The following DCAKD variants were observed in gnomAD, a reference collection of about 807,000 sequenced individuals.
DCAKD encodes the protein dephospho-CoA kinase domain-containing protein.
Under a neutral mutation model 18.7 loss-of-function variants are expected in DCAKD, and 15 were observed. That is an observed-to-expected ratio of 0.80 (90% CI 0.54 to 1.24). DCAKD has a LOEUF of 1.24. DCAKD is among the 50% of genes most tolerant of loss of function. The pLI is 0.00. For missense variants in DCAKD, 301 were observed against 322.0 expected (o/e 0.93, Z 0.50); for synonymous variants, 130 against 133.0 (o/e 0.98, Z 0.16).
intron 1 of DCAKD, among the ~76,000 whole-genome samples, chr17:45,045,938 G>T (rs1880871898): frequency 6.6e-6 from 1 of 151,818 alleles, no homozygotes; most frequent in African/African-American, 2.4e-5. Context: ...CGATTCTCCT[G>T]CCTCAGCCTC....
upstream of DCAKD, among the ~76,000 whole-genome samples, chr17:45,052,384 T>A (rs2053725792): frequency 6.8e-6 from 1 of 146,694 alleles, no homozygotes; most frequent in Non-Finnish European, 1.5e-5. Flanking sequence ...GTCCGCAGGG[T>A]GGATACTATC....
At position 45,024,563 on chromosome 17, in the gene DCAKD, A is replaced by C. The variant is rs2053014329; in HGVS notation, c.566T>G (p.Val189Gly). 1 of 1,613,936 alleles carries C rather than the reference A, an allele frequency of 6.2e-7. No homozygotes were observed. The highest frequency in any genetic ancestry group is 1.1e-5 in the South Asian group (1 of 91,074). Residue 189 changes from valine to glycine, a missense_variant, in exon 5 of 5, where the codon GTC (valine) becomes GGC (glycine). By Grantham distance (109) the Val-to-Gly change is moderately radical. Transcript: ENST00000651974. ...SGEWSVTKRQ[V>G]ILLHTELERS... ...CTCCAGCTCAGTGTGCAAGAGGATG[A>C]CCTGGCGTTTGGTGACACTCCACTC...
At chr17:45,029,431 C>T (rs1014732072) in intron 4 of DCAKD, among the ~76,000 whole-genome samples, 2 of 152,194 alleles carry the variant, frequency 1.3e-5, no homozygotes, top group African/African-American at 2.4e-5. Context: ...GGGTGGCATC[C>T]GGGAAGCTTC....
intron 3 of DCAKD, chr17:45,031,297 C>T: frequency 1.0e-6 from 1 of 985,254 alleles, no homozygotes. Context: ...CTCAGGAAGC[C>T]CAAGAGAAGC....
intron 1 of DCAKD, among the ~76,000 whole-genome samples, chr17:45,043,610 C>T (rs1379171080): frequency 3.3e-5 from 5 of 152,288 alleles, no homozygotes; most frequent in East Asian, 1.9e-4. Context: ...AGCCTGGAGA[C>T]GGGAGGCGGC....
chr17:45,030,343 G>C (rs2053150242), intron 3 of DCAKD, among the ~76,000 whole-genome samples, 164 bp from the exon 4 acceptor site: 1 of 152,238 alleles, frequency 6.6e-6, no homozygotes, highest in Non-Finnish European at 1.5e-5. Context: ...CAGAACAGAA[G>C]GCTGCAGAAA....
At chr17:45,049,725 T>TTTTG (rs1341987635) in intron 1 of DCAKD, among the ~76,000 whole-genome samples, 1 of 144,914 alleles carries the variant, frequency 6.9e-6, no homozygotes. Flanking sequence ...TTTTTTTTTT[T>TTTTG]TTTTTTTTTT....
At chr17:45,029,423 G>A (rs760512575) in intron 4 of DCAKD, among the ~76,000 whole-genome samples, 65 of 152,210 alleles carry the variant, frequency 4.3e-4, no homozygotes, top group Non-Finnish European at 7.9e-4. Flanking sequence ...GTACTTGTGG[G>A]TGGCATCCGG....
At chr17:45,055,474 C>T (rs904976854), upstream of DCAKD, among the ~76,000 whole-genome samples, 3 of 152,092 alleles carry the variant, frequency 2.0e-5, no homozygotes, top group Admixed American at 1.3e-4. Context: ...CTCCCAGGCT[C>T]AAGTGATCCT....
At position 45,030,153 on chromosome 17, in the gene DCAKD, G is replaced by A; in HGVS notation, c.343C>T (p.Pro115Ser). ...RGYRYVILDI[P>S]LLFETKKLLK... ...AACTTCTTGGTCTCAAACAGCAGGGGGATATCCAGAATCACGTAGCGGTAT... is the reference window on the plus strand; with the variant it reads ...AACTTCTTGGTCTCAAACAGCAGGGAGATATCCAGAATCACGTAGCGGTAT... The change falls in exon 4 of 5, where the codon CCC becomes TCC. Residue 115 changes from proline (P) to serine (S), a missense_variant. Coordinates refer to ENST00000651974, the MANE Select transcript of DCAKD (RefSeq NM_001288655.2). 1 of 1,614,142 alleles carries A rather than the reference G, an allele frequency of 6.2e-7. No homozygotes were observed. The highest frequency in any genetic ancestry group is 8.5e-7 in the Non-Finnish European group (1 of 1,180,012).
At chr17:45,052,914 A>G (rs539969986), upstream of DCAKD, among the ~76,000 whole-genome samples, 177 of 152,140 alleles carry the variant, frequency 1.2e-3, 1 homozygote, top group African/African-American at 4.1e-3. Flanking sequence ...CTGTAATCCC[A>G]GCACTTTGGG....
chr17:45,028,942 T>C (rs546536431), intron 4 of DCAKD, among the ~76,000 whole-genome samples: 2 of 151,740 alleles, frequency 1.3e-5, no homozygotes, highest in East Asian at 3.9e-4. Flanking sequence ...TGACCTCAGG[T>C]AATCCACCCA....
At chr17:45,031,340 C>T (rs2143205171) in intron 3 of DCAKD, 1 of 985,322 alleles carries the variant, frequency 1.0e-6, no homozygotes, top group East Asian at 1.1e-4. Flanking sequence ...AAACCATAGG[C>T]TCTGATGACA....
At chr17:45,034,159 G>GC (rs1261313698) in intron 3 of DCAKD, 28 bp downstream of exon 3, 3 of 1,605,722 alleles carry the variant, frequency 1.9e-6, no homozygotes, top group South Asian at 2.2e-5. Context: ...AGGAGGCCCC[G>GC]CCCCCCGCCC....
chr17:45,036,534 A>G (rs780812162), intron 1 of DCAKD, among the ~76,000 whole-genome samples: 29 of 152,146 alleles, frequency 1.9e-4, no homozygotes, highest in Non-Finnish European at 4.0e-4. Context: ...AAAAAAAGAA[A>G]AAGAAAATGC....
chr17:45,060,404 A>G (rs1220669415), intron 1 of DCAKD, among the ~76,000 whole-genome samples: 1 of 152,218 alleles, frequency 6.6e-6, no homozygotes, highest in East Asian at 1.9e-4. Flanking sequence ...TCATGCCTAT[A>G]GTCCTAGGTA....
At position 45,024,569 on chromosome 17, in the gene DCAKD, C is replaced by T. The variant is rs373341804; in HGVS notation, c.560G>A (p.Arg187His). ...CTCAGTGTGCAAGAGGATGACCTGG[C>T]GTTTGGTGACACTCCACTCGCCCGA... ...DNSGEWSVTK[R>H]QVILLHTELE... Residue 187 changes from arginine (R) to histidine (H), a missense_variant, in exon 5 of 5, where the codon CGC (arginine) becomes CAC (histidine). By Grantham distance (29) the Arg-to-His change is conservative (BLOSUM62 0). Transcript: ENST00000651974. 2.0e-5 allele frequency: 32 copies of T among 1,614,038 alleles called. No homozygotes were observed. The highest frequency in any genetic ancestry group is 2.6e-5 in the Non-Finnish European group (31 of 1,180,020).
At chr17:45,038,574 C>G (rs560685367) in intron 1 of DCAKD, among the ~76,000 whole-genome samples, 11 of 152,166 alleles carry the variant, frequency 7.2e-5, no homozygotes, top group Non-Finnish European at 1.2e-4. Context: ...GTAGGCAAAT[C>G]GATTCAGAGC....
chr17:45,046,760 C>G (rs890629520), intron 1 of DCAKD, among the ~76,000 whole-genome samples: 3 of 151,980 alleles, frequency 2.0e-5, no homozygotes, highest in East Asian at 1.9e-4. Flanking sequence ...TCATAAATTT[C>G]CAACTCAATT....
Sources: allele counts gnomAD v4.1 joint callset (sites outside exome capture counted in the v4.1 genomes callset), GRCh38; gene constraint gnomAD v4.1.1; transcripts MANE v1.5; gene names NCBI Gene and HGNC (gene_info 2026-07-23, HGNC 2026-07-21).